PPARD: variants seen among roughly 807,000 people sequenced by gnomAD.
The protein encoded by PPARD is peroxisome proliferator-activated receptor delta.
A neutral mutation model predicts 39.5 loss-of-function variants in PPARD; 6 were observed. The ratio of observed to expected loss-of-function variants is 0.15; its 90% CI spans 0.08 to 0.30. PPARD has a LOEUF of 0.30. PPARD is among the 10% of genes least tolerant of loss of function. PPARD has a pLI of 1.00. For missense variants in PPARD, 397 were observed against 596.8 expected, an observed-to-expected ratio of 0.67 and a Z score of 3.49; for synonymous variants, 210 against 231.3, an observed-to-expected ratio of 0.91 and a Z score of 0.83.
At chr6:35,345,874 GTT>G (rs947186291) in intron 1 of PPARD, among the ~76,000 whole-genome samples, 5 of 114,602 alleles carry the variant, frequency 4.4e-5, no homozygotes, top group Non-Finnish European at 5.4e-5. Context: ...CTTTTTTTTC[GTT>G]TTTTTTTTTT....
intron 2 of PPARD, among the ~76,000 whole-genome samples, chr6:35,349,562 G>T (rs1033854155): frequency 6.6e-6 from 1 of 152,150 alleles, no homozygotes; most frequent in African/African-American, 2.4e-5. Flanking sequence ...GCTGCATGCA[G>T]TCATGGGCCA....
At chr6:35,365,571 A>G (rs1042208242) in intron 2 of PPARD, among the ~76,000 whole-genome samples, 3 of 150,386 alleles carry the variant, frequency 2.0e-5, no homozygotes, top group Admixed American at 6.6e-5. Context: ...GGCTTACTGC[A>G]ACCTCTGCCT....
Position 35,424,274 on chromosome 6 carries a change from G to A in PPARD, c.628-55G>A. ...TCATGGTGCAGGCAAGGGACATGGG[G>A]AGCACAGGGTGGGGGTCTCCCGAGG... On this transcript the variant is annotated intron_variant, in intron 6 of 7. Transcript: ENST00000360694. This position sits in a 1 kb window ranked among gnomAD's most constrained non-coding sequence, Gnocchi z 7.1. The A allele has an allele frequency of 6.3e-7, 1 of 1,598,042 alleles. No individual in the cohort carries two copies. Among genetic ancestry groups the A allele is most frequent in the Admixed American group, 1.7e-5 (1 of 59,116 alleles).
chr6:35,357,179 C>A (rs139071621), intron 2 of PPARD, among the ~76,000 whole-genome samples: 1 of 152,308 alleles, frequency 6.6e-6, no homozygotes, highest in East Asian at 1.9e-4. Context: ...TAGTGTTTGA[C>A]CTGGTGGTCA....
In PPARD at chr6:35,378,682, GT is replaced by G. The variant is rs1200708576; in HGVS notation, c.-102+31533del. Among the ~76,000 whole-genome samples, 5 of 152,262 alleles carry G rather than the reference GT, an allele frequency of 3.3e-5. No homozygotes were observed. The East Asian group carries it at 7.7e-4, about 24-fold the overall frequency. On this transcript the variant is annotated intron_variant, in intron 2 of 7. Transcript: ENST00000360694. ...AAAGGCGCAGTTGCTTTAGGAGTAG[GT>G]GACTCTGTATGCCCGGGGCCTCCGA...
intron 2 of PPARD, among the ~76,000 whole-genome samples, chr6:35,407,749 C>A (rs6906237): frequency 0.17 from 26,117 of 149,668 alleles, 4,642 homozygotes; most frequent in African/African-American, 0.45. Context: ...CTCTCCATGC[C>A]GAGTCTGAAT....
chr6:35,394,431 C>G (rs1426680455), intron 2 of PPARD, among the ~76,000 whole-genome samples: 1 of 152,094 alleles, frequency 6.6e-6, no homozygotes, highest in Non-Finnish European at 1.5e-5. Context: ...TTTTAAAAAA[C>G]TTGCTTACTA....
Position 35,424,557 on chromosome 6 carries a change from G to T in PPARD, c.856G>T (p.Val286Leu). The stretch of plus-strand genomic sequence containing the variant: ...CCAGGTTACCCTTCTCAAGTATGGC[G>T]TGCACGAGGCCATCTTCGCCATGCT... ...NDQVTLLKYG[V>L]HEAIFAMLAS... Residue 286 changes from valine (V) to leucine (L), a missense_variant, in exon 7 of 8, where the codon GTG becomes TTG. Physicochemically the swap from Val to Leu is conservative, Grantham distance 32. Coordinates refer to ENST00000360694, the MANE Select transcript of PPARD (RefSeq NM_006238.5). This position sits in a 1 kb window ranked among gnomAD's most constrained non-coding sequence, Gnocchi z 7.1. 6.2e-7 allele frequency: 1 copy of T among 1,614,254 alleles called. No individual in the cohort carries two copies. Among genetic ancestry groups the T allele is most frequent in the Non-Finnish European group, 8.5e-7 (1 of 1,180,042 alleles).
chr6:35,350,394 A>G (rs552771901), intron 2 of PPARD, among the ~76,000 whole-genome samples: 1 of 152,198 alleles, frequency 6.6e-6, no homozygotes, highest in East Asian at 1.9e-4. Flanking sequence ...GAAGTCTCAG[A>G]TTTAAGTCTT....
chr6:35,402,990 G>A (rs767295106), intron 2 of PPARD, among the ~76,000 whole-genome samples: 45 of 152,304 alleles, frequency 3.0e-4, no homozygotes, highest in Middle Eastern at 3.4e-3. Context: ...GAGGAAGGAG[G>A]TGACAGCAAC....
chr6:35,370,861 A>T (rs1762447748), intron 2 of PPARD, among the ~76,000 whole-genome samples: 2 of 151,990 alleles, frequency 1.3e-5, no homozygotes, highest in Non-Finnish European at 2.9e-5. Context: ...TGTAGCAGGG[A>T]GCTCACACGA....
chr6:35,374,864 G>A (rs1762716331), intron 2 of PPARD, among the ~76,000 whole-genome samples: 1 of 151,800 alleles, frequency 6.6e-6, no homozygotes, highest in African/African-American at 2.4e-5. Flanking sequence ...CATCCCCCTG[G>A]TCACCTGACA....
At chr6:35,380,467 TTTTTGTTTG>T (rs1562190255) in intron 2 of PPARD, among the ~76,000 whole-genome samples, 1 of 106,056 alleles carries the variant, frequency 9.4e-6, no homozygotes, top group African/African-American at 1.0e-4. Flanking sequence ...GTGTTTTTTT[TTTTTGTTTG>T]TTTTTTTTTT....
chr6:35,409,962 G>A (rs1765318900), intron 2 of PPARD, among the ~76,000 whole-genome samples: 1 of 152,222 alleles, frequency 6.6e-6, no homozygotes, highest in Non-Finnish European at 1.5e-5. Flanking sequence ...CAGCCGAGTT[G>A]GCAGGTCTAG....
chr6:35,391,754 C>T lies in PPARD; in HGVS notation c.-101-19233C>T, dbSNP rs73413715. On this transcript the variant is annotated intron_variant, in intron 2 of 7. Coordinates refer to ENST00000360694, the MANE Select transcript of PPARD (RefSeq NM_006238.5). ...ACCTGGGACCAAGCTCTACAGCCAT[C>T]TCTCCCTGTGACCATAGCCAAGTCA... 5.7e-4 allele frequency among the ~76,000 whole-genome samples: 87 copies of T among 152,298 alleles called. 1 individual carries two copies. Among genetic ancestry groups the T allele is most frequent in the Middle Eastern group, 3.4e-3 (1 of 294 alleles).
At chr6:35,357,426 A>G (rs1485078001) in intron 2 of PPARD, among the ~76,000 whole-genome samples, 1 of 152,154 alleles carries the variant, frequency 6.6e-6, no homozygotes, top group African/African-American at 2.4e-5. Context: ...TGTAGTGCTC[A>G]GCACTCCGTT....
At chr6:35,405,414 C>T (rs1218947076) in intron 2 of PPARD, among the ~76,000 whole-genome samples, 1 of 152,018 alleles carries the variant, frequency 6.6e-6, no homozygotes, top group Non-Finnish European at 1.5e-5. Flanking sequence ...ATTCGTGCCC[C>T]CTCATTCTGG....
chr6:35,424,508 C>T lies in PPARD; in HGVS notation c.807C>T (p.Ser269=). The T allele has an allele frequency of 1.2e-6, 2 of 1,614,238 alleles. No homozygotes were observed. The highest frequency in any genetic ancestry group is 8.5e-7 in the Non-Finnish European group (1 of 1,180,044). ...CTGAGTTCGCCAAGAGCATCCCCAG[C>T]TTCAGCAGCCTCTTCCTCAACGACC... ...ELTEFAKSIP[S]FSSLFLNDQV... The change falls in exon 7 of 8, where the codon AGC becomes AGT. Residue 269 remains serine, a synonymous_variant. Coordinates refer to ENST00000360694, the MANE Select transcript of PPARD (RefSeq NM_006238.5). This position sits in a 1 kb window ranked among gnomAD's most constrained non-coding sequence, Gnocchi z 7.1.
intron 2 of PPARD, among the ~76,000 whole-genome samples, chr6:35,353,571 G>C (rs1282265790): frequency 6.6e-6 from 1 of 152,138 alleles, no homozygotes; most frequent in Admixed American, 6.5e-5. Flanking sequence ...AGCAAGAAAG[G>C]TGAAACTTCA....
Sources: allele counts gnomAD v4.1 joint callset (sites outside exome capture counted in the v4.1 genomes callset), GRCh38; gene constraint gnomAD v4.1.1; non-coding constraint Gnocchi (gnomAD v3.1); transcripts MANE v1.5; gene names NCBI Gene and HGNC (gene_info 2026-07-23, HGNC 2026-07-21).